The following KCNN2 variants were observed in gnomAD, a reference collection of about 807,000 sequenced individuals.
KCNN2 encodes the protein potassium calcium-activated channel subfamily N member 2, also known as small conductance calcium-activated potassium channel protein 2.
A neutral mutation model predicts 55.5 loss-of-function variants in KCNN2; 24 were observed. That is an observed-to-expected ratio of 0.43 (90% CI 0.31 to 0.61). KCNN2 has a LOEUF of 0.61. Ranked by LOEUF, KCNN2 falls within the 20% of genes least tolerant of loss-of-function variation. KCNN2 has a pLI of 0.08. For synonymous variants in KCNN2, 431 were observed against 336.1 expected (o/e 1.28, Z -3.09); for missense variants, 754 against 853.6 (o/e 0.88, Z 1.45).
intron 1 of KCNN2, among the ~76,000 whole-genome samples, chr5:114,124,579 C>A (rs1356001239): frequency 6.6e-6 from 1 of 152,158 alleles, no homozygotes; most frequent in Non-Finnish European, 1.5e-5. Flanking sequence ...CCCTTCCCAC[C>A]ACATTACCTG....
chr5:114,220,609 G>A (rs571229219), intron 1 of KCNN2, among the ~76,000 whole-genome samples: 25 of 152,190 alleles, frequency 1.6e-4, no homozygotes, highest in African/African-American at 5.8e-4. Context: ...ACGAGGATTA[G>A]CAGAAAAGGA....
Position 114,173,447 on chromosome 5 carries a change from T to TGC in KCNN2, c.-270-48032_-270-48031insCG, listed in dbSNP as rs1469179340. Among the ~76,000 whole-genome samples the TGC allele has an allele frequency of 2.9e-3, 134 of 46,486 alleles. 1 individual carries two copies. The highest frequency in any genetic ancestry group is 0.01 in the African/African-American group (130 of 12,558). 30.5% of individuals were successfully genotyped at this position (46,486 alleles called of 152,430 possible). A position where few individuals can be genotyped will look rare whatever the true frequency, so the allele number is the denominator to read the frequency against. On this transcript the variant is annotated intron_variant, in intron 1 of 10. Coordinates refer to the KCNN2 transcript ENST00000512097. ...TTTGTTTTTGTTTTGTTTGTGTGTG[T>TGC]GTGTGTGTGTGTGTGTGTGTGTGTG...
chr5:114,092,637 G>A (rs113547262), intron 1 of KCNN2, among the ~76,000 whole-genome samples: 4 of 152,302 alleles, frequency 2.6e-5, no homozygotes, highest in African/African-American at 9.6e-5. Context: ...CTTCTGCCTG[G>A]ACATCAGGCA....
At chr5:114,343,865 A>G (rs148434647) in intron 2 of KCNN2, among the ~76,000 whole-genome samples, 1 of 152,296 alleles carries the variant, frequency 6.6e-6, no homozygotes, top group Non-Finnish European at 1.5e-5. Context: ...TCTGATGGGC[A>G]GGGATGCCTG....
intron 2 of KCNN2, among the ~76,000 whole-genome samples, chr5:114,222,581 G>A (rs145141822): frequency 2.5e-3 from 376 of 152,204 alleles, no homozygotes; most frequent in Middle Eastern, 6.8e-3. Context: ...GAAAATTTGC[G>A]AACTGTACTA....
intron 2 of KCNN2, among the ~76,000 whole-genome samples, chr5:114,365,111 G>A (rs982135354): frequency 1.3e-5 from 2 of 152,158 alleles, no homozygotes; most frequent in African/African-American, 2.4e-5. Context: ...GGAAGAAATC[G>A]TTTTTAATGA....
intron 1 of KCNN2, among the ~76,000 whole-genome samples, chr5:114,072,431 G>A (rs1750593627): frequency 6.6e-6 from 1 of 152,094 alleles, no homozygotes; most frequent in African/African-American, 2.4e-5. Flanking sequence ...TAGTCACTAT[G>A]CATTAGCTAT....
intron 2 of KCNN2, among the ~76,000 whole-genome samples, chr5:114,305,770 C>T (rs973860881): frequency 3.3e-5 from 5 of 152,176 alleles, no homozygotes; most frequent in Admixed American, 1.3e-4. Flanking sequence ...ACCCCTTTCT[C>T]CTGAAATGTC....
chr5:114,162,524 A>G (rs1219247197), intron 1 of KCNN2, among the ~76,000 whole-genome samples: 3 of 152,122 alleles, frequency 2.0e-5, no homozygotes, highest in African/African-American at 4.8e-5. Flanking sequence ...TACTCTCTTC[A>G]AAACTGTCAG....
chr5:114,060,426 C>T (rs1006768840), intron 1 of KCNN2, among the ~76,000 whole-genome samples: 7 of 152,042 alleles, frequency 4.6e-5, no homozygotes, highest in East Asian at 3.9e-4. Context: ...GCCTGACATA[C>T]GGTGTGTGAG....
intron 1 of KCNN2, among the ~76,000 whole-genome samples, chr5:114,183,455 T>G (rs1315005513): frequency 6.6e-6 from 1 of 152,098 alleles, no homozygotes; most frequent in Non-Finnish European, 1.5e-5. Flanking sequence ...TTTGAGAAAA[T>G]TCTTGAAAAA....
chr5:114,394,212 G>A (rs1758546000), intron 2 of KCNN2, among the ~76,000 whole-genome samples: 1 of 152,120 alleles, frequency 6.6e-6, no homozygotes, highest in South Asian at 2.1e-4. Flanking sequence ...AGGTCAAAAA[G>A]TGATATCTCA....
At chr5:114,279,596 T>C (rs199903765) in intron 2 of KCNN2, among the ~76,000 whole-genome samples, 1 of 152,148 alleles carries the variant, frequency 6.6e-6, no homozygotes, top group African/African-American at 2.4e-5. Context: ...TGATGGTTTC[T>C]AGCTTCATCC....
chr5:114,110,977 A>T (rs116251217), intron 1 of KCNN2, among the ~76,000 whole-genome samples: 1,539 of 152,260 alleles, frequency 0.01, 22 homozygotes, highest in African/African-American at 0.035. Context: ...GGAAACAATT[A>T]CTCTAAAGTT....
At chr5:114,188,641 A>C (rs964226475) in intron 1 of KCNN2, among the ~76,000 whole-genome samples, 1 of 152,220 alleles carries the variant, frequency 6.6e-6, no homozygotes, top group Non-Finnish European at 1.5e-5. Flanking sequence ...CAAGATTCAT[A>C]TATAAAACTT....
chr5:114,273,061 G>A (rs1755396855), intron 2 of KCNN2, among the ~76,000 whole-genome samples: 1 of 152,038 alleles, frequency 6.6e-6, no homozygotes, highest in South Asian at 2.1e-4. Flanking sequence ...GGTATGTGAT[G>A]TTCCCCTCCC....
chr5:114,095,449 C>T (rs943056858), intron 1 of KCNN2, among the ~76,000 whole-genome samples: 1 of 152,126 alleles, frequency 6.6e-6, no homozygotes, highest in African/African-American at 2.4e-5. Context: ...GTAACTTGGA[C>T]TTAAAACGAA....
rs181880244 is a variant in KCNN2 at position 114,425,598 on chromosome 5, C to T, written c.1637+20742C>T. Among the ~76,000 whole-genome samples, 11 of 152,274 alleles carry T rather than the reference C, an allele frequency of 7.2e-5. No individual in the cohort carries two copies. The East Asian group carries it at 1.9e-3, about 27-fold the overall frequency. Reference sequence around the variant, plus strand: ...TCCACCTGCTCTGCCTGGACCCAACCTCAGATCAGAGCTGCAGGAAAAACA... The same window carrying T: ...TCCACCTGCTCTGCCTGGACCCAACTTCAGATCAGAGCTGCAGGAAAAACA... On this transcript the variant is annotated intron_variant, in intron 3 of 7. Transcript: ENST00000673685.
At chr5:114,225,787 T>G (rs1754228067) in intron 2 of KCNN2, among the ~76,000 whole-genome samples, 1 of 152,198 alleles carries the variant, frequency 6.6e-6, no homozygotes, top group South Asian at 2.1e-4. Context: ...ACCTAAATCC[T>G]TATAGCCAGC....
Sources: gnomAD v4.1 joint callset for allele counts (sites outside exome capture counted in the v4.1 genomes callset) on GRCh38, gnomAD v4.1.1 for gene constraint, MANE v1.5 for transcripts, NCBI Gene and HGNC (gene_info 2026-07-23, HGNC 2026-07-21) for gene names.